The following BACH2 variants were observed in gnomAD, a reference collection of about 807,000 sequenced individuals.
The protein encoded by BACH2 is BACH transcriptional regulator 2, also known as transcription regulator protein BACH2.
In BACH2, 5 loss-of-function variants were observed where a neutral mutation model predicts 61.8. The observed-to-expected ratio is 0.08, with a 90% CI of 0.04 to 0.17. The LOEUF (loss-of-function observed/expected upper bound fraction) is 0.17, where lower values mean the gene tolerates loss of function less well. Among genes scored for constraint, BACH2 ranks in the 10% least tolerant of loss-of-function variants. BACH2 has a pLI of 1.00. For missense variants in BACH2, 824 were observed against 1,091.1 expected, an observed-to-expected ratio of 0.76 and a Z score of 3.45; for synonymous variants, 446 against 440.1, an observed-to-expected ratio of 1.01 and a Z score of -0.17.
intron 5 of BACH2, among the ~76,000 whole-genome samples, chr6:90,077,459 G>T (rs1319263816): frequency 1.3e-5 from 2 of 152,262 alleles, no homozygotes; most frequent in East Asian, 1.9e-4. Context: ...GGAGAAGCGG[G>T]TATCATTTTA....
At chr6:90,189,438 A>C (rs370151061) in intron 4 of BACH2, among the ~76,000 whole-genome samples, 2,063 of 150,756 alleles carry the variant, frequency 0.014, 30 homozygotes, top group East Asian at 0.06. Flanking sequence ...GAAACCCCGT[A>C]TCTACTAAAA....
At chr6:90,290,568 GA>G (rs530459476) in intron 1 of BACH2, among the ~76,000 whole-genome samples, 42 of 152,144 alleles carry the variant, frequency 2.8e-4, no homozygotes, top group Admixed American at 2.2e-3. Context: ...TACAGGATAG[GA>G]AAAAAAGAAA....
chr6:90,067,276 G>A (rs1781009602), intron 5 of BACH2, among the ~76,000 whole-genome samples: 1 of 152,190 alleles, frequency 6.6e-6, no homozygotes, highest in Non-Finnish European at 1.5e-5. Flanking sequence ...CCCTCTTGTG[G>A]AGTGTGGTGG....
chr6:90,079,265 T>A (rs926723393), intron 5 of BACH2, among the ~76,000 whole-genome samples: 4 of 152,196 alleles, frequency 2.6e-5, no homozygotes, highest in African/African-American at 9.6e-5. Context: ...CGTGTGCTCA[T>A]CCTTGTCCCT....
chr6:90,203,385 T>C (rs1455426211), intron 4 of BACH2, among the ~76,000 whole-genome samples: 38 of 101,110 alleles, frequency 3.8e-4, no homozygotes, highest in African/African-American at 1.6e-3. Context: ...CCTCTCTCTC[T>C]CTCTCCAAAA....
intron 5 of BACH2, among the ~76,000 whole-genome samples, chr6:90,081,411 C>T (rs952556656): frequency 2.0e-5 from 3 of 152,190 alleles, no homozygotes; most frequent in Non-Finnish European, 4.4e-5. Flanking sequence ...CACTTCCCCA[C>T]ACCCGTAACC....
chr6:90,238,354 A>G (rs1347389784), intron 3 of BACH2, among the ~76,000 whole-genome samples: 1 of 152,238 alleles, frequency 6.6e-6, no homozygotes, highest in African/African-American at 2.4e-5. Context: ...AAGTCATTAG[A>G]TTTCATTTTT....
chr6:90,211,303 C>T (rs1430248519), intron 3 of BACH2, among the ~76,000 whole-genome samples: 2 of 152,048 alleles, frequency 1.3e-5, no homozygotes, highest in African/African-American at 2.4e-5. Context: ...GCCAGGTCCT[C>T]GCTATGGAAG....
intron 6 of BACH2, among the ~76,000 whole-genome samples, chr6:89,978,864 T>C (rs1320855361): frequency 6.6e-6 from 1 of 152,174 alleles, no homozygotes; most frequent in Non-Finnish European, 1.5e-5. Context: ...GAATAAGCTG[T>C]ATGTACTTAA....
intron 1 of BACH2, among the ~76,000 whole-genome samples, chr6:90,279,840 A>T (rs1336507507): frequency 2.0e-5 from 3 of 152,216 alleles, no homozygotes; most frequent in African/African-American, 7.2e-5. Context: ...TTTTGCTAGG[A>T]ACATCAAAAG....
At chr6:89,989,324 C>T (rs568202686) in intron 6 of BACH2, among the ~76,000 whole-genome samples, 11 of 152,152 alleles carry the variant, frequency 7.2e-5, no homozygotes, top group Non-Finnish European at 1.2e-4. Flanking sequence ...CTCACACCCC[C>T]GGTAACCACC....
At chr6:89,959,097 GCACACACACACA>G (rs60175244) in intron 6 of BACH2, among the ~76,000 whole-genome samples, 2,590 of 134,460 alleles carry the variant, frequency 0.019, 31 homozygotes, top group East Asian at 0.043. Context: ...ATGCACAAGT[GCACACACACACA>G]CACACACACA....
chr6:90,167,905 T>C (rs578227546), intron 4 of BACH2, among the ~76,000 whole-genome samples: 3 of 152,322 alleles, frequency 2.0e-5, no homozygotes, highest in East Asian at 1.9e-4. Context: ...GAAAAGACAA[T>C]TGGGCTCTCT....
chr6:90,103,060 A>G (rs774027313), intron 4 of BACH2, among the ~76,000 whole-genome samples: 2 of 71,532 alleles, frequency 2.8e-5, no homozygotes, highest in Admixed American at 3.7e-4. Flanking sequence ...TTACCAGACT[A>G]TATTTTGCTT....
At chr6:90,061,280 C>A (rs1010297043) in intron 5 of BACH2, among the ~76,000 whole-genome samples, 2 of 152,094 alleles carry the variant, frequency 1.3e-5, no homozygotes, top group African/African-American at 4.8e-5. Context: ...TCTGATTGGG[C>A]ATAAAACAGG....
chr6:89,932,969 C>G (rs1772766429), intron 8 of BACH2, 79 bp from the exon 9 acceptor site: 3 of 1,452,366 alleles, frequency 2.1e-6, no homozygotes, highest in Non-Finnish European at 2.8e-6. Flanking sequence ...GGTTTTCCAG[C>G]CTTTGTTTTG....
chr6:90,018,217 T>A (rs1294918102), intron 5 of BACH2, among the ~76,000 whole-genome samples: 1 of 152,208 alleles, frequency 6.6e-6, no homozygotes, highest in Non-Finnish European at 1.5e-5. Context: ...TGCTGATCAG[T>A]ACTCTGCAGA....
chr6:90,295,553 G>T (rs1217420700), intron 1 of BACH2, among the ~76,000 whole-genome samples: 1 of 152,172 alleles, frequency 6.6e-6, no homozygotes, highest in East Asian at 1.9e-4. Context: ...GAAGCACAGC[G>T]GGGCCACGGA....
chr6:90,130,848 T>C (rs1784053859), intron 4 of BACH2, among the ~76,000 whole-genome samples: 2 of 152,268 alleles, frequency 1.3e-5, no homozygotes, highest in Non-Finnish European at 2.9e-5. Flanking sequence ...GTTGCTTTGC[T>C]TTAAGACCTG....
Sources: allele counts gnomAD v4.1 joint callset (sites outside exome capture counted in the v4.1 genomes callset), GRCh38; gene constraint gnomAD v4.1.1; transcripts MANE v1.5; gene names NCBI Gene and HGNC (gene_info 2026-07-23, HGNC 2026-07-21).